SLC25A48: variants seen among roughly 807,000 people sequenced by gnomAD.
The protein encoded by SLC25A48 is solute carrier family 25 member 48.
A neutral mutation model predicts 32.2 loss-of-function variants in SLC25A48; 29 were observed. The observed-to-expected ratio is 0.90, with a 90% CI of 0.67 to 1.23. The LOEUF is 1.23. SLC25A48 is among the 50% of genes most tolerant of loss of function. The pLI is 0.00. For synonymous variants in SLC25A48, 164 were observed against 172.3 expected, an observed-to-expected ratio of 0.95 and a Z score of 0.38; for missense variants, 399 against 422.7, an observed-to-expected ratio of 0.94 and a Z score of 0.49.
In SLC25A48 at chr5:135,713,708, G is replaced by A. The variant is rs548876401; in HGVS notation, c.-521+78752G>A. On this transcript the variant is annotated intron_variant, in intron 3 of 10. Transcript: ENST00000646290. ...AGCTCTGTAGCAGACAGATTTGAGT[G>A]TTCCTCCCTCCCCCATCATATTTCA... Among the ~76,000 whole-genome samples the A allele has an allele frequency of 1.1e-4, 16 of 152,260 alleles. No homozygotes were observed. The East Asian group carries it at 2.3e-3, about 22-fold the overall frequency.
At chr5:135,765,264 C>T (rs1052049041) in intron 3 of SLC25A48, among the ~76,000 whole-genome samples, 3 of 151,454 alleles carry the variant, frequency 2.0e-5, no homozygotes, top group Admixed American at 1.3e-4. Flanking sequence ...GTGTACACCC[C>T]CCTGTGATAT....
intron 1 of SLC25A48, among the ~76,000 whole-genome samples, chr5:135,627,877 G>A (rs1243374452): frequency 1.3e-5 from 2 of 152,178 alleles, no homozygotes; most frequent in African/African-American, 4.8e-5. Flanking sequence ...TAACATTTGT[G>A]GAGCAACTCT....
At chr5:135,718,983 T>C (rs1754881005) in intron 3 of SLC25A48, among the ~76,000 whole-genome samples, 1 of 152,008 alleles carries the variant, frequency 6.6e-6, no homozygotes, top group Admixed American at 6.5e-5. Context: ...TGAGTACAAC[T>C]GGGGAGGTTT....
chr5:135,868,099 G>A (rs531342838), intron 4 of SLC25A48, among the ~76,000 whole-genome samples: 37 of 152,234 alleles, frequency 2.4e-4, no homozygotes, highest in African/African-American at 7.9e-4. Flanking sequence ...CTCATCAATC[G>A]TGCACTTGAA....
intron 1 of SLC25A48, among the ~76,000 whole-genome samples, chr5:135,840,647 A>G (rs1029012613): frequency 4.6e-5 from 7 of 152,206 alleles, no homozygotes; most frequent in African/African-American, 1.7e-4. Context: ...GGTAATTCAT[A>G]TAGGTAGAGT....
intron 6 of SLC25A48, among the ~76,000 whole-genome samples, chr5:135,878,236 C>G (rs1027277250): frequency 6.6e-6 from 1 of 152,138 alleles, no homozygotes; most frequent in African/African-American, 2.4e-5. Context: ...CTGCAGGGCC[C>G]GGGGCTGTGG....
chr5:135,724,373 AC>A (rs1755038984), intron 3 of SLC25A48, among the ~76,000 whole-genome samples: 1 of 151,366 alleles, frequency 6.6e-6, no homozygotes, highest in South Asian at 2.1e-4. Flanking sequence ...CTCATCCCAT[AC>A]CTCCTTGGAG....
Position 135,582,254 on chromosome 5 carries a change from G to A in SLC25A48, c.-849+2657G>A, listed in dbSNP as rs112876345. The stretch of plus-strand genomic sequence containing the variant: ...ATTGAGCACCCACTGTGTCCCAGGC[G>A]TTGTACGAGGTGCTGGGGGTTTGAG... On this transcript the variant is annotated intron_variant, in intron 1 of 10. Coordinates refer to the SLC25A48 transcript ENST00000646290. Among the ~76,000 whole-genome samples the A allele has an allele frequency of 8.6e-3, 1,308 of 152,254 alleles. 29 individuals are homozygous for A. Among genetic ancestry groups the A allele is most frequent in the African/African-American group, 0.029 (1,192 of 41,534 alleles).
At chr5:135,660,082 A>G (rs1242405920) in intron 3 of SLC25A48, among the ~76,000 whole-genome samples, 5 of 152,218 alleles carry the variant, frequency 3.3e-5, no homozygotes, top group African/African-American at 4.8e-5. Context: ...TTGTGCATAC[A>G]TAAAAATTGG....
rs199916490 is a variant in SLC25A48, at chr5:135,798,590, C to T, written c.-520-13933C>T. Among the ~76,000 whole-genome samples, 72 of 150,996 alleles carry T rather than the reference C, an allele frequency of 4.8e-4. No individual in the cohort carries two copies. In the East Asian group the frequency reaches 7.7e-3, roughly 16 times the overall value. On this transcript the variant is annotated intron_variant, in intron 3 of 10. Coordinates refer to the SLC25A48 transcript ENST00000646290. ...TGTTCCTATTATCCAGGTGGACAGA[C>T]GAAGGTATTATGATTAATATCCCCA...
At chr5:135,816,213 C>T (rs1288089654) in intron 4 of SLC25A48, among the ~76,000 whole-genome samples, 1 of 152,174 alleles carries the variant, frequency 6.6e-6, no homozygotes, top group Non-Finnish European at 1.5e-5. Context: ...GTTCCTCCCT[C>T]AACATGTGGG....
chr5:135,714,849 G>A (rs1754756778), intron 3 of SLC25A48: 1 of 152,412 alleles, frequency 6.6e-6, no homozygotes, highest in South Asian at 2.1e-4. Context: ...ATGGCCCTGT[G>A]CAGAGCAGTA....
At chr5:135,749,835 G>A (rs1755729240) in intron 3 of SLC25A48, among the ~76,000 whole-genome samples, 4 of 152,140 alleles carry the variant, frequency 2.6e-5, no homozygotes, top group South Asian at 4.1e-4. Context: ...CAGGTGATCC[G>A]CCTGCCTCGG....
intron 3 of SLC25A48, among the ~76,000 whole-genome samples, chr5:135,707,817 G>A (rs377736451): frequency 5.9e-5 from 9 of 152,164 alleles, no homozygotes; most frequent in African/African-American, 2.2e-4. Flanking sequence ...CCCTCAGCTT[G>A]TCTGCGAGGG....
At chr5:135,722,202 G>A (rs6872834) in intron 3 of SLC25A48, among the ~76,000 whole-genome samples, 1 of 152,068 alleles carries the variant, frequency 6.6e-6, no homozygotes, top group Non-Finnish European at 1.5e-5. Flanking sequence ...GGAATCTGTT[G>A]TCTTCTCTTT....
intron 4 of SLC25A48, among the ~76,000 whole-genome samples, chr5:135,857,633 G>A: frequency 6.6e-6 from 1 of 152,230 alleles, no homozygotes; most frequent in East Asian, 1.9e-4. Context: ...GTTACAGTGT[G>A]GCATCCAGCT....
intron 1 of SLC25A48, among the ~76,000 whole-genome samples, chr5:135,614,426 C>A (rs1752141244): frequency 6.6e-6 from 1 of 152,138 alleles, no homozygotes; most frequent in South Asian, 2.1e-4. Context: ...TGCCTGGTTG[C>A]TCTAGCTAGG....
Position 135,839,955 on chromosome 5 carries a change from T to A in SLC25A48, c.47-2461T>A, listed in dbSNP as rs552313923. On this transcript the variant is annotated intron_variant, in intron 1 of 7. Coordinates refer to ENST00000681962, the MANE Select transcript of SLC25A48 (RefSeq NM_001349336.2). ...TGTGGCCTCCCCAGCTATGTGGGAC[T>A]GTAAGTTGATTAAACTTCTTTCCTT... Among the ~76,000 whole-genome samples the A allele has an allele frequency of 9.1e-4, 139 of 152,370 alleles. 1 individual carries two copies. The highest frequency in any genetic ancestry group is 1.2e-3 in the Non-Finnish European group (79 of 68,036).
At chr5:135,874,827 C>A in intron 6 of SLC25A48, 1 of 558,422 alleles carries the variant, frequency 1.8e-6, no homozygotes, top group Non-Finnish European at 3.2e-6. Context: ...ATTCATCACC[C>A]TCCGCAGGAA....
Sources: allele counts gnomAD v4.1 joint callset (sites outside exome capture counted in the v4.1 genomes callset), GRCh38; gene constraint gnomAD v4.1.1; transcripts MANE v1.5; gene names NCBI Gene and HGNC (gene_info 2026-07-23, HGNC 2026-07-21).